The following FBXL17 variants were observed in gnomAD, a reference collection of about 807,000 sequenced individuals.
The protein encoded by FBXL17 is F-box/LRR-repeat protein 17.
Under a neutral mutation model 66.2 loss-of-function variants are expected in FBXL17, and 22 were observed. That is an observed-to-expected ratio of 0.33 (90% CI 0.24 to 0.47). FBXL17 has a LOEUF of 0.47. Ranked by LOEUF, FBXL17 falls within the 20% of genes least tolerant of loss-of-function variation. The probability of loss-of-function intolerance (pLI) is 1.00; values close to 1 mark genes in which losing one functional copy is unlikely to be tolerated. For missense variants in FBXL17, 878 were observed against 948.2 expected, an observed-to-expected ratio of 0.93 and a Z score of 0.97; for synonymous variants, 474 against 400.5, an observed-to-expected ratio of 1.18 and a Z score of -2.19.
At chr5:108,033,817 G>A (rs540865037) in intron 6 of FBXL17, among the ~76,000 whole-genome samples, 4 of 152,148 alleles carry the variant, frequency 2.6e-5, no homozygotes, top group Admixed American at 6.6e-5. Context: ...GTAAAGACGA[G>A]TTCAACATTA....
intron 7 of FBXL17, among the ~76,000 whole-genome samples, chr5:107,980,664 A>ATTTTTTTTTTTTTTTTTTT (rs57472813): frequency 8.1e-5 from 5 of 62,068 alleles, no homozygotes; most frequent in East Asian, 1.1e-3. Context: ...ATATATATAT[A>ATTTTTTTTTTTTTTTTTTT]TTTTTTTTTT....
intron 7 of FBXL17, among the ~76,000 whole-genome samples, chr5:107,911,948 C>A (rs771376166): frequency 9.9e-5 from 15 of 152,132 alleles, no homozygotes; most frequent in Non-Finnish European, 1.6e-4. Context: ...AAGGGAAATG[C>A]AAATTAAAAT....
Position 107,903,042 on chromosome 5 carries a change from T to A in FBXL17, c.1823-21863A>T, listed in dbSNP as rs184611088. 6.0e-3 allele frequency among the ~76,000 whole-genome samples: 907 copies of A among 152,294 alleles called. 5 individuals carry two copies. The highest frequency in any genetic ancestry group is 0.011 in the Non-Finnish European group (726 of 68,024). ...TTCCTGTGTATTTCATCAACCTCTA[T>A]ATGATCAAAATGAAAACTAATAAAT... On this transcript the variant is annotated intron_variant, in intron 7 of 8. Transcript: ENST00000542267.
chr5:108,116,059 A>C (rs1298042862), intron 6 of FBXL17, among the ~76,000 whole-genome samples: 1 of 152,218 alleles, frequency 6.6e-6, no homozygotes, highest in Non-Finnish European at 1.5e-5. Flanking sequence ...AGATCTAACA[A>C]AAATTTTGAA....
At chr5:108,218,082 T>C (rs1754690316) in intron 5 of FBXL17, among the ~76,000 whole-genome samples, 1 of 143,490 alleles carries the variant, frequency 7.0e-6, no homozygotes, top group Admixed American at 7.1e-5. Context: ...CAGTGGCCAC[T>C]GCAAGCTCCA....
At chr5:108,108,025 C>T (rs1471568139) in intron 6 of FBXL17, among the ~76,000 whole-genome samples, 1 of 152,016 alleles carries the variant, frequency 6.6e-6, no homozygotes, top group Non-Finnish European at 1.5e-5. Flanking sequence ...CTATACTGCC[C>T]TCCGTTTTGT....
chr5:107,984,398 A>C (rs1473317722), intron 7 of FBXL17, among the ~76,000 whole-genome samples: 2 of 152,210 alleles, frequency 1.3e-5, no homozygotes, highest in African/African-American at 4.8e-5. Flanking sequence ...TTGGAATGAC[A>C]GTATTAAAAA....
intron 7 of FBXL17, among the ~76,000 whole-genome samples, chr5:108,020,335 C>T (rs1435054746): frequency 2.0e-5 from 3 of 151,840 alleles, no homozygotes; most frequent in Non-Finnish European, 2.9e-5. Context: ...ATTACTGCGA[C>T]AATATGACTT....
intron 6 of FBXL17, among the ~76,000 whole-genome samples, chr5:108,025,703 A>G (rs924180683): frequency 8.3e-6 from 1 of 120,960 alleles, no homozygotes; most frequent in African/African-American, 4.2e-5. Context: ...ACACACACAC[A>G]AACACACACA....
rs376681924 is a variant in FBXL17 at position 108,196,027 on chromosome 5, C to T, written c.1615-9780G>A. ...GCCAGCAGCACATAAATGACATTTA[C>T]GCCTCTACATTTAATATATAATTGT... On this transcript the variant is annotated intron_variant, in intron 5 of 8. Coordinates refer to ENST00000542267, the MANE Select transcript of FBXL17 (RefSeq NM_001163315.3). 3.6e-4 allele frequency among the ~76,000 whole-genome samples: 54 copies of T among 152,056 alleles called. No individual in the cohort carries two copies. The South Asian group carries it at 7.1e-3, about 20-fold the overall frequency.
chr5:108,006,606 G>A (rs1753930581), intron 7 of FBXL17, among the ~76,000 whole-genome samples: 1 of 152,198 alleles, frequency 6.6e-6, no homozygotes, highest in Non-Finnish European at 1.5e-5. Context: ...CCAGTGCAGG[G>A]ATATGATGCT....
At chr5:107,951,333 T>C (rs1194505866) in intron 7 of FBXL17, among the ~76,000 whole-genome samples, 1 of 152,252 alleles carries the variant, frequency 6.6e-6, no homozygotes, top group Non-Finnish European at 1.5e-5. Context: ...AGTAATTTAG[T>C]GTCACAACAA....
chr5:108,150,696 T>A (rs1424375044), intron 6 of FBXL17, among the ~76,000 whole-genome samples: 1 of 152,186 alleles, frequency 6.6e-6, no homozygotes, highest in Non-Finnish European at 1.5e-5. Flanking sequence ...GTGATTAAAT[T>A]CAGATTAAAC....
rs982653639 is a variant in FBXL17 at position 108,381,370 on chromosome 5, C to A, written c.322G>T (p.Ala108Ser). ...GCAGCAGCGGCGCAGTCCTCGGCGG[C>A]CAGGGCCGCGTAGCGCCGCGCCAGG... ...QHLARRYAAL[A>S]AEDCAAAARR... Residue 108 changes from alanine (A) to serine (S), a missense_variant, in exon 1 of 9, where the codon GCC becomes TCC. Ala to Ser is a moderately conservative substitution (Grantham distance 99, BLOSUM62 1). Around this residue, in one of 4 missense-constraint regions of FBXL17, gnomAD observed 605 missense variants for 509.5 expected, o/e 1.19. Transcript: ENST00000542267. 37 of 1,334,078 alleles carry A rather than the reference C, an allele frequency of 2.8e-5. No homozygotes were observed. The highest frequency in any genetic ancestry group is 5.6e-4 in the Middle Eastern group (2 of 3,590). 82.6% of individuals were successfully genotyped at this position (1,334,078 alleles called of 1,614,324 possible).
intron 4 of FBXL17, among the ~76,000 whole-genome samples, chr5:108,271,562 C>T (rs1157560663): frequency 6.6e-6 from 1 of 152,184 alleles, no homozygotes; most frequent in African/African-American, 2.4e-5. Flanking sequence ...AAGAAAACTA[C>T]CAATACAGTC....
intron 4 of FBXL17, among the ~76,000 whole-genome samples, chr5:108,235,827 T>C (rs936722586): frequency 6.6e-6 from 1 of 152,144 alleles, no homozygotes; most frequent in African/African-American, 2.4e-5. Context: ...GAAATTAAAA[T>C]GAATGAATGA....
intron 2 of FBXL17, among the ~76,000 whole-genome samples, chr5:108,365,794 AGT>A (rs1178281351): frequency 6.6e-6 from 1 of 152,044 alleles, no homozygotes; most frequent in Non-Finnish European, 1.5e-5. Flanking sequence ...ACATCCAGTT[AGT>A]GTTAGAAAAT....
At chr5:108,096,229 C>T (rs1310299370) in intron 6 of FBXL17, among the ~76,000 whole-genome samples, 1 of 152,166 alleles carries the variant, frequency 6.6e-6, no homozygotes, top group Non-Finnish European at 1.5e-5. Flanking sequence ...ACACACGGAG[C>T]ATTAGCAAAA....
intron 4 of FBXL17, among the ~76,000 whole-genome samples, chr5:108,313,039 A>G (rs1759196704): frequency 6.6e-6 from 1 of 152,140 alleles, no homozygotes; most frequent in African/African-American, 2.4e-5. Context: ...TTAGTTACTA[A>G]AAATCTGACT....
Sources: gnomAD v4.1 joint callset for allele counts (sites outside exome capture counted in the v4.1 genomes callset) on GRCh38, gnomAD v4.1.1 for gene constraint, gnomAD v4.1.1 regional missense constraint, MANE v1.5 for transcripts, NCBI Gene and HGNC (gene_info 2026-07-23, HGNC 2026-07-21) for gene names.